RPL3: variants seen among roughly 807,000 people sequenced by gnomAD.
RPL3 encodes the protein ribosomal protein L3.
Under a neutral mutation model 46.0 loss-of-function variants are expected in RPL3, and 3 were observed. The observed-to-expected ratio is 0.07, with a 90% confidence interval of 0.03 to 0.17. RPL3 has a LOEUF of 0.17. RPL3 is among the 10% of genes least tolerant of loss of function. RPL3 has a pLI of 1.00. For missense variants in RPL3, 387 were observed against 532.7 expected (o/e 0.73, Z 2.69); for synonymous variants, 224 against 190.8 (o/e 1.17, Z -1.43).
At chr22:39,315,286 C>CT (rs769733862) in intron 5 of RPL3, 83 bp downstream of exon 5, 2 of 1,573,784 alleles carry the variant, frequency 1.3e-6, no homozygotes, top group African/African-American at 1.3e-5. Flanking sequence ...AGCGCTCACT[C>CT]TGAGCCTCAT....
intron 4 of RPL3, among the ~76,000 whole-genome samples, chr22:39,316,190 G>A (rs1000192525): frequency 6.6e-6 from 1 of 151,418 alleles, no homozygotes; most frequent in Non-Finnish European, 1.5e-5. Flanking sequence ...AGTGAGCTGA[G>A]ATAGGGCTAT....
intron 4 of RPL3, 32 bp downstream of exon 4, chr22:39,316,674 C>T: frequency 6.2e-7 from 1 of 1,611,656 alleles, no homozygotes; most frequent in Non-Finnish European, 8.5e-7. Context: ...TACTAAGTGG[C>T]AGGCCAAGCC....
At chr22:39,318,687 G>A in intron 1 of RPL3, 95 bp from the exon 2 acceptor site, 1 of 1,044,306 alleles carries the variant, frequency 9.6e-7, no homozygotes, top group South Asian at 1.6e-5. Context: ...CAGCAATACT[G>A]AAGAATCCTG....
Position 39,318,142 on chromosome 22 carries a change from A to G in RPL3, c.196+258T>C, listed in dbSNP as rs114373252. 2.4e-3 allele frequency: 1,119 copies of G among 468,686 alleles called. 7 individuals carry two copies. Among genetic ancestry groups the G allele is most frequent in the African/African-American group, 0.02 (1,016 of 49,622 alleles). The allele number at this position is 468,686 out of a possible 1,614,324, so 29.0% of individuals were successfully genotyped here. ...ACACTAGTGTTAACTTCTCTTTGCT[A>G]AGGTTCCTGGCAAATTTACTATGCT... On this transcript the variant is annotated intron_variant, in intron 2 of 9. Coordinates refer to ENST00000216146, the MANE Select transcript of RPL3 (RefSeq NM_000967.4).
chr22:39,317,674 A>AG (rs781520468), intron 2 of RPL3, 45 bp from the exon 3 acceptor site: 1 of 1,605,096 alleles, frequency 6.2e-7, no homozygotes, highest in South Asian at 1.1e-5. Flanking sequence ...AGCCCAAGCA[A>AG]GGGGTGTAAT....
Position 39,312,930 on chromosome 22 carries a change from G to T in RPL3, c.*10C>A. 6.2e-7 allele frequency: 1 copy of T among 1,614,138 alleles called. No individual in the cohort carries two copies. The highest frequency in any genetic ancestry group is 8.5e-7 in the Non-Finnish European group (1 of 1,179,948). On this transcript the variant is annotated 3_prime_UTR_variant, in exon 10 of 10. Transcript: ENST00000216146. ...TGAGACCCCACCAACTGCAAAATCT[G>T]TTCCTGGCATTAAGCTCCTTCTTCC...
At position 39,318,832 on chromosome 22, in the gene RPL3, A is replaced by AT. The variant is rs200871548; in HGVS notation, c.4-241dup. On this transcript the variant is annotated intron_variant, in intron 1 of 9. Transcript: ENST00000216146. ...CTCTCAACCTGTAAGAAAACGACCC[A>AT]TTTTTTTTATCTAACCACACAAAAA... Among the ~76,000 whole-genome samples the AT allele has an allele frequency of 6.6e-3, 1,004 of 152,112 alleles. 11 individuals are homozygous for AT. The highest frequency in any genetic ancestry group is 0.022 in the African/African-American group (904 of 41,500).
At chr22:39,317,429 C>T in intron 3 of RPL3, 32 bp downstream of exon 3, 1 of 1,596,718 alleles carries the variant, frequency 6.3e-7, no homozygotes, top group South Asian at 1.1e-5. Flanking sequence ...CCCAAGCTCC[C>T]AAGCTAGGGA....
intron 7 of RPL3, 85 bp from the exon 8 acceptor site, chr22:39,313,814 A>C: frequency 8.2e-7 from 1 of 1,225,336 alleles, no homozygotes; most frequent in Non-Finnish European, 1.2e-6. Flanking sequence ...CTCCCTGACC[A>C]CAGGGCTGTT....
intron 4 of RPL3, 127 bp from the exon 5 acceptor site, chr22:39,315,682 A>C: frequency 9.5e-7 from 1 of 1,058,072 alleles, no homozygotes; most frequent in Non-Finnish European, 1.4e-6. Flanking sequence ...TGAACAAGTC[A>C]CTGAACCTCA....
intron 1 of RPL3, chr22:39,319,204 T>C (rs1391930590): frequency 1.8e-6 from 1 of 543,180 alleles, no homozygotes; most frequent in Non-Finnish European, 3.6e-6. Flanking sequence ...CAAGCTTCTT[T>C]ACCTCCCAAT....
intron 7 of RPL3, 32 bp from the exon 8 acceptor site, chr22:39,313,761 C>T (rs1456951273): frequency 6.2e-7 from 1 of 1,603,838 alleles, no homozygotes; most frequent in Non-Finnish European, 8.5e-7. Flanking sequence ...AGCACAGGCC[C>T]AGGAGGGGAT....
chr22:39,319,474 G>T, intron 1 of RPL3, 121 bp downstream of exon 1: 3 of 1,340,582 alleles, frequency 2.2e-6, no homozygotes, highest in Non-Finnish European at 3.1e-6. Flanking sequence ...GTCCCCGCTG[G>T]GTCGCCCGTG....
chr22:39,315,506 T>C lies in RPL3; in HGVS notation c.551A>G (p.Gln184Arg). 6.2e-7 allele frequency: 1 copy of C among 1,614,158 alleles called. No individual in the cohort carries two copies. The highest frequency in any genetic ancestry group is 1.7e-4 in the Middle Eastern group (1 of 6,058). ...RQKKAHLMEI[Q>R]VNGGTVAEKL... ...CTCGGCCACAGTGCCTCCGTTCACC[T>C]GGATCTCCATCAGGTGGGCCTTCTT... The change falls in exon 5 of 10, where the codon CAG becomes CGG. Residue 184 changes from glutamine to arginine, a missense_variant. Coordinates refer to ENST00000216146, the MANE Select transcript of RPL3 (RefSeq NM_000967.4).
In RPL3 at chr22:39,317,592, A is replaced by G; in HGVS notation, c.234T>C (p.Ile78=). 6.2e-7 allele frequency: 1 copy of G among 1,613,918 alleles called. No individual in the cohort carries two copies. ...NKKEVVEAVT[I]VETPPMVVVG... ...CAACCACCATGGGTGGTGTCTCTACAATGGTCACAGCCTCCACCACCTCCT... is the reference window on the plus strand; with the variant it reads ...CAACCACCATGGGTGGTGTCTCTACGATGGTCACAGCCTCCACCACCTCCT... Residue 78 remains isoleucine, a synonymous_variant, in exon 3 of 10, where the codon ATT becomes ATC. Transcript: ENST00000216146.
chr22:39,316,929 G>T lies in RPL3; in HGVS notation c.366-88C>A, dbSNP rs755632306. On this transcript the variant is annotated intron_variant, in intron 3 of 9. Transcript: ENST00000216146. ...GGTGAGCGGAAGGCACACTGGCACC[G>T]CGTGGGGATGGAGCTCATTGCCGGC... 9.4e-6 allele frequency: 15 copies of T among 1,598,092 alleles called. No individual in the cohort carries two copies. In the African/African-American group the frequency reaches 1.6e-4, roughly 17 times the overall value.
At chr22:39,319,238 C>G (rs1029884310) in intron 1 of RPL3, 10 of 510,758 alleles carry the variant, frequency 2.0e-5, no homozygotes, top group Non-Finnish European at 3.3e-5. Context: ...AGAACCTCCA[C>G]CCAAGGTCCT....
intron 5 of RPL3, chr22:39,315,113 CT>C (rs1922598023): frequency 1.3e-6 from 1 of 766,726 alleles, no homozygotes. Flanking sequence ...CCAAGCTCCC[CT>C]TTGCAGTTAT....
chr22:39,318,133 C>T, intron 2 of RPL3: 1 of 457,902 alleles, frequency 2.2e-6, no homozygotes, highest in South Asian at 2.6e-5. Flanking sequence ...GTGTTAACTT[C>T]TCTTTGCTAA....
Sources: allele counts gnomAD v4.1 joint callset (sites outside exome capture counted in the v4.1 genomes callset), GRCh38; gene constraint gnomAD v4.1.1; transcripts MANE v1.5; gene names NCBI Gene and HGNC (gene_info 2026-07-23, HGNC 2026-07-21).